CCDC171: variants seen among roughly 807,000 people sequenced by gnomAD.
CCDC171 encodes the protein coiled-coil domain containing 171.
A neutral mutation model predicts 168.2 loss-of-function variants in CCDC171; 177 were observed. The observed-to-expected ratio is 1.05, with a 90% CI of 0.93 to 1.19. CCDC171 has a LOEUF of 1.19. CCDC171 is among the 50% of genes most tolerant of loss of function. The pLI is 0.00. For missense variants in CCDC171, 1,991 were observed against 1,539.0 expected, an observed-to-expected ratio of 1.29 and a Z score of -4.91; for synonymous variants, 687 against 540.8, an observed-to-expected ratio of 1.27 and a Z score of -3.75.
intron 6 of CCDC171, among the ~76,000 whole-genome samples, chr9:16,032,621 G>T (rs1181429095): frequency 3.3e-5 from 5 of 152,144 alleles, no homozygotes; most frequent in African/African-American, 1.2e-4. Context: ...AAGGAGCAGA[G>T]AACTTTGTTT....
chr9:15,770,951 A>G (rs1564375584), intron 18 of CCDC171, among the ~76,000 whole-genome samples: 1 of 152,184 alleles, frequency 6.6e-6, no homozygotes, highest in Admixed American at 6.5e-5. Flanking sequence ...TGAGGGAATC[A>G]TATAATCATG....
At chr9:15,975,791 G>A (rs764959803), downstream of CCDC171, among the ~76,000 whole-genome samples, 6 of 152,126 alleles carry the variant, frequency 3.9e-5, no homozygotes, top group Admixed American at 6.6e-5. Context: ...AATAATGGCC[G>A]TACGAGATGT....
intron 4 of CCDC171, among the ~76,000 whole-genome samples, chr9:15,584,832 A>G (rs936915025): frequency 6.6e-6 from 1 of 152,186 alleles, no homozygotes; most frequent in Non-Finnish European, 1.5e-5. Flanking sequence ...ATTTAGGAAT[A>G]TAAGAATTGG....
rs563122905 is a variant in CCDC171 at position 15,821,039 on chromosome 9, A to G, written c.3268-25663A>G. On this transcript the variant is annotated intron_variant, in intron 21 of 25. Transcript: ENST00000380701. ...ATGCAAGGCTGGTTCAACATATGAAAATCAATAAACATAATCCAGCATATA... is the reference window on the plus strand; with the variant it reads ...ATGCAAGGCTGGTTCAACATATGAAGATCAATAAACATAATCCAGCATATA... Among the ~76,000 whole-genome samples, 3 of 117,692 alleles carry G rather than the reference A, an allele frequency of 2.5e-5. No homozygotes were observed. In the East Asian group the frequency reaches 6.4e-4, roughly 25 times the overall value. The allele number at this position is 117,692 out of a possible 152,430, so 77.2% of individuals were successfully genotyped here. A position where few individuals can be genotyped will look rare whatever the true frequency, so the allele number is the denominator to read the frequency against.
chr9:15,586,532 G>C (rs1004754725), intron 4 of CCDC171, among the ~76,000 whole-genome samples: 2 of 152,146 alleles, frequency 1.3e-5, no homozygotes, highest in Non-Finnish European at 2.9e-5. Flanking sequence ...TTATAAACTG[G>C]AAGCACCAGA....
chr9:15,896,679 A>C (rs181093456), intron 24 of CCDC171, among the ~76,000 whole-genome samples: 87 of 152,188 alleles, frequency 5.7e-4, no homozygotes, highest in African/African-American at 2.0e-3. Flanking sequence ...TATCAATGTC[A>C]CCATTATCAC....
At chr9:15,674,999 C>G (rs1378278086) in intron 9 of CCDC171, among the ~76,000 whole-genome samples, 2 of 152,002 alleles carry the variant, frequency 1.3e-5, no homozygotes. Context: ...GAGTCTAAGT[C>G]TCTTTGTAGG....
Position 15,943,012 on chromosome 9 carries a change from G to C in CCDC171, c.3753+22590G>C, listed in dbSNP as rs950241939. On this transcript the variant is annotated intron_variant, in intron 25 of 25. Coordinates refer to ENST00000380701, the MANE Select transcript of CCDC171 (RefSeq NM_173550.4). ...CTGAACCCAAACCAAGCCGTATAAG[G>C]AGATGGGTCCTGAGTTAAACTGCTG... is the stretch of plus-strand genomic sequence containing the variant. Among the ~76,000 whole-genome samples the C allele has an allele frequency of 5.3e-4, 81 of 152,052 alleles. 1 individual carries two copies. The highest frequency in any genetic ancestry group is 1.2e-4 in the Non-Finnish European group (8 of 67,920).
rs192349709 is a variant in CCDC171 at position 15,622,695 on chromosome 9, G to A, written c.676-572G>A. ...GTTTAGTTGGGAAAGGGGATTGAGAGATTTTAGTATAAGACTACCTGAAGT... is the reference window on the plus strand; with the variant it reads ...GTTTAGTTGGGAAAGGGGATTGAGAAATTTTAGTATAAGACTACCTGAAGT... On this transcript the variant is annotated intron_variant, in intron 6 of 25. Transcript: ENST00000380701. Among the ~76,000 whole-genome samples, 5 of 152,306 alleles carry A rather than the reference G, an allele frequency of 3.3e-5. No homozygotes were observed. In the East Asian group the frequency reaches 5.8e-4, roughly 18 times the overall value.
chr9:15,808,756 C>T (rs189858893), intron 21 of CCDC171, among the ~76,000 whole-genome samples: 81 of 152,192 alleles, frequency 5.3e-4, no homozygotes, highest in African/African-American at 1.8e-3. Context: ...GATGGGCTGT[C>T]TGTGTTGTCT....
In CCDC171 at chr9:16,009,305, C is replaced by T. The variant is rs150302386; in HGVS notation, n.369-11284C>T. On this transcript the variant is annotated intron_variant and non_coding_transcript_variant, in intron 3 of 9. Transcript: ENST00000486641. ...TCCGCTTGAAATAACAGATACTCAC[C>T]TTTCCATCTGCATTCCTGATATCAA... 7.0e-3 allele frequency among the ~76,000 whole-genome samples: 1,073 copies of T among 152,256 alleles called. 3 individuals carry two copies. The highest frequency in any genetic ancestry group is 0.012 in the Non-Finnish European group (816 of 68,014).
chr9:15,792,253 T>A (rs111810314), intron 21 of CCDC171, among the ~76,000 whole-genome samples: 1 of 151,942 alleles, frequency 6.6e-6, no homozygotes, highest in Non-Finnish European at 1.5e-5. Context: ...TGAAATGAAG[T>A]GAGAAGAGAA....
the CCDC171 span, among the ~76,000 whole-genome samples, chr9:16,077,957 A>T: frequency 1.3e-5 from 2 of 152,128 alleles, no homozygotes; most frequent in Admixed American, 1.3e-4. Flanking sequence ...AGATGAATAA[A>T]ACCTAATATA....
Position 15,678,877 on chromosome 9 carries a change from T to C in CCDC171, c.1196T>C (p.Leu399Ser). Reference sequence around the variant, plus strand: ...TATAATGAAAAAAGTTGCAGTGAATTACAGGAAGAACTAGTAATGGTAAGG... The same window carrying C: ...TATAATGAAAAAAGTTGCAGTGAATCACAGGAAGAACTAGTAATGGTAAGG... ...LQYNEKSCSE[L>S]QEELVMAKKH... is the part of the protein sequence containing the mutation. Residue 399 changes from leucine (L) to serine (S), a missense_variant, in exon 10 of 26, where the codon TTA becomes TCA. Coordinates refer to ENST00000380701, the MANE Select transcript of CCDC171 (RefSeq NM_173550.4). 2 of 1,587,150 alleles carry C rather than the reference T, an allele frequency of 1.3e-6. No homozygotes were observed. Among genetic ancestry groups the C allele is most frequent in the Non-Finnish European group, 1.7e-6 (2 of 1,170,702 alleles).
intron 24 of CCDC171, among the ~76,000 whole-genome samples, chr9:15,881,860 T>C (rs756271181): frequency 1.3e-5 from 2 of 152,244 alleles, no homozygotes; most frequent in Non-Finnish European, 2.9e-5. Flanking sequence ...TAACGGCCAC[T>C]TAGGCTGGTT....
chr9:15,624,469 C>A (rs931544995), intron 7 of CCDC171, among the ~76,000 whole-genome samples: 8 of 152,074 alleles, frequency 5.3e-5, no homozygotes, highest in Admixed American at 1.3e-4. Flanking sequence ...CCCACTCCCC[C>A]ACCCCATGAC....
intron 4 of CCDC171, among the ~76,000 whole-genome samples, chr9:15,584,146 C>T (rs1291851372): frequency 6.6e-6 from 1 of 152,194 alleles, no homozygotes; most frequent in African/African-American, 2.4e-5. Context: ...GGATTACAGG[C>T]GTGAGCCACC....
intron 21 of CCDC171, among the ~76,000 whole-genome samples, chr9:15,794,526 C>T (rs1451274284): frequency 7.7e-6 from 1 of 129,074 alleles, no homozygotes; most frequent in East Asian, 2.6e-4. Flanking sequence ...TTATGAAATA[C>T]AGTTTATGCA....
At chr9:15,653,401 T>G (rs2047681423) in intron 7 of CCDC171, among the ~76,000 whole-genome samples, 1 of 152,026 alleles carries the variant, frequency 6.6e-6, no homozygotes, top group Non-Finnish European at 1.5e-5. Context: ...GTTGGCCTTC[T>G]GAAGTGTGGG....
Sources: gnomAD v4.1 joint callset for allele counts (sites outside exome capture counted in the v4.1 genomes callset) on GRCh38, gnomAD v4.1.1 for gene constraint, MANE v1.5 for transcripts, NCBI Gene and HGNC (gene_info 2026-07-23, HGNC 2026-07-21) for gene names.